Variants in CDK11B observed in about 807,000 individuals in gnomAD.
CDK11B encodes the protein cyclin-dependent kinase 11B.
Under a neutral mutation model 84.0 loss-of-function variants are expected in CDK11B, and 37 were observed. The ratio of observed to expected loss-of-function variants is 0.44; its 90% CI spans 0.34 to 0.58. The LOEUF (loss-of-function observed/expected upper bound fraction) is 0.58, where lower values mean the gene tolerates loss of function less well. Among genes scored for constraint, CDK11B ranks in the 20% least tolerant of loss-of-function variants. The pLI is 0.02. For synonymous variants in CDK11B, 269 were observed against 309.8 expected, an observed-to-expected ratio of 0.87 and a Z score of 1.38; for missense variants, 427 against 834.0, an observed-to-expected ratio of 0.51 and a Z score of 6.01.
At chr1:1,653,697 A>G (rs919297631) in intron 3 of CDK11B, among the ~76,000 whole-genome samples, 5 of 150,822 alleles carry the variant, frequency 3.3e-5, no homozygotes, top group Non-Finnish European at 7.4e-5. Flanking sequence ...AGATCCTACA[A>G]TTTTGGCTGG....
In CDK11B at chr1:1,637,912, A is replaced by G. The variant is rs1435511681; in HGVS notation, c.1343-29T>C. ...TGAAGAAAATACAGACGGCACTGAG[A>G]GGCATTCTCAAAGTCACGGTACCAA... On this transcript the variant is annotated intron_variant, in intron 12 of 19. Transcript: ENST00000341832. 5 of 1,612,744 alleles carry G rather than the reference A, an allele frequency of 3.1e-6. No homozygotes were observed. In the East Asian group the frequency reaches 6.7e-5, roughly 22 times the overall value.
Position 1,645,162 on chromosome 1 carries a change from C to G in CDK11B, c.595G>C (p.Glu199Gln), listed in dbSNP as rs762070251. The change falls in exon 6 of 20, where the codon GAG (glutamate) becomes CAG (glutamine). Residue 199 changes from glutamate to glutamine, a missense_variant. Around this residue, in one of 12 missense-constraint regions of CDK11B, gnomAD observed 2 missense variants for 134.0 expected, o/e 0.01. Transcript: ENST00000341832. ...REQKERERRA[E>Q]ERRKEREARR... is the part of the protein sequence containing the mutation. ...GCCTCCCGCTCCTTGCGCCGCTCCTCTGCCCGCCGCTCGCGCTCCTTCTGC... is the reference window on the plus strand; with the variant it reads ...GCCTCCCGCTCCTTGCGCCGCTCCTGTGCCCGCCGCTCGCGCTCCTTCTGC... 8.0e-6 allele frequency: 4 copies of G among 499,838 alleles called. No individual in the cohort carries two copies. The South Asian group carries it at 9.3e-5, about 12-fold the overall frequency. The allele number at this position is 499,838 out of a possible 1,614,324, so 31.0% of individuals were successfully genotyped here.
intron 6 of CDK11B, among the ~76,000 whole-genome samples, chr1:1,643,422 T>C (rs1338173044): frequency 1.3e-5 from 2 of 151,496 alleles, no homozygotes; most frequent in East Asian, 3.9e-4. Context: ...TGTCCATTTT[T>C]TTGACTAAGA....
chr1:1,636,400 G>A lies in CDK11B; in HGVS notation c.1999C>T (p.Pro667Ser), dbSNP rs1639291619. ...AAGCGCTTGCGGAGGTTGTTGTAGG[G>A]GTGCTCGCTGAAGGTCATCTTCTTG... ...AVKKMTFSEHPYNNLRKRFGA... is the reference protein window; with the variant it reads ...AVKKMTFSEHSYNNLRKRFGA... Residue 667 changes from proline to serine, a missense_variant, in exon 18 of 20, where the codon CCC becomes TCC. Physicochemically the swap from Pro to Ser is moderately conservative, Grantham distance 74. Around this residue, in one of 12 missense-constraint regions of CDK11B, gnomAD observed 170 missense variants for 196.0 expected, o/e 0.87. Coordinates refer to ENST00000341832, the MANE Select transcript of CDK11B (RefSeq NM_033486.3). 1.2e-6 allele frequency: 2 copies of A among 1,610,900 alleles called. No homozygotes were observed. The highest frequency in any genetic ancestry group is 2.2e-5 in the East Asian group (1 of 44,792).
chr1:1,637,040 G>C (rs761339025), intron 15 of CDK11B, 36 bp from the exon 16 acceptor site: 3 of 1,613,224 alleles, frequency 1.9e-6, no homozygotes, highest in Non-Finnish European at 8.5e-7. Context: ...AGTGGGCCCC[G>C]GCAGGTCTCC....
At chr1:1,640,534 T>A (rs1640122619) in intron 10 of CDK11B, 82 bp from the exon 11 acceptor site, 1 of 1,586,698 alleles carries the variant, frequency 6.3e-7, no homozygotes, top group African/African-American at 1.3e-5. Flanking sequence ...ATCAAGCGCG[T>A]GGCAGGGCTG....
chr1:1,646,964 T>C (rs1641226724), intron 5 of CDK11B: 1 of 519,884 alleles, frequency 1.9e-6, no homozygotes, highest in South Asian at 1.4e-5. Context: ...GACTATGATG[T>C]GACTTTGCAT....
Position 1,658,918 on chromosome 1 carries a change from A to G in CDK11B, c.-18T>C, listed in dbSNP as rs1643171430. 5.2e-6 allele frequency: 1 copy of G among 192,192 alleles called. No homozygotes were observed. The highest frequency in any genetic ancestry group is 7.1e-5 in the South Asian group (1 of 14,044). 11.9% of individuals were successfully genotyped at this position (192,192 alleles called of 1,614,324 possible). On this transcript the variant is annotated 5_prime_UTR_variant, in exon 1 of 20. Transcript: ENST00000341832. ...GTCCGCCCAGTCGGAACTCACCCCTACGCCGCCGCCGCTGCCGCCGCCGCC... is the reference window on the plus strand; with the variant it reads ...GTCCGCCCAGTCGGAACTCACCCCTGCGCCGCCGCCGCTGCCGCCGCCGCC...
chr1:1,635,806 C>A lies in CDK11B; in HGVS notation c.2307G>T (p.Gln769His), dbSNP rs1639193786. 6 of 348,474 alleles carry A rather than the reference C, an allele frequency of 1.7e-5. 1 individual carries two copies. 21.6% of individuals were successfully genotyped at this position (348,474 alleles called of 1,614,324 possible). A position where few individuals can be genotyped will look rare whatever the true frequency, so the allele number is the denominator to read the frequency against. ...AGCCGGGGCCCGCGGCAGAGGCCCCCTGGTTCGTGGTGGTAAGGTGGAAGC... is the reference window on the plus strand; with the variant it reads ...AGCCGGGGCCCGCGGCAGAGGCCCCATGGTTCGTGGTGGTAAGGTGGAAGC... ...ETGFHLTTTNQGASAAGPGFS... is the reference protein window; with the variant it reads ...ETGFHLTTTNHGASAAGPGFS... The change falls in exon 20 of 20, where the codon CAG becomes CAT. Residue 769 changes from glutamine to histidine, a missense_variant. By Grantham distance (24) the Gln-to-His change is conservative. Around this residue, in one of 12 missense-constraint regions of CDK11B, gnomAD observed 170 missense variants for 196.0 expected, o/e 0.87. Coordinates refer to ENST00000341832, the MANE Select transcript of CDK11B (RefSeq NM_033486.3).
At chr1:1,650,197 G>A (rs1641773160) in intron 4 of CDK11B, among the ~76,000 whole-genome samples, 1 of 141,354 alleles carries the variant, frequency 7.1e-6, no homozygotes, top group Non-Finnish European at 1.5e-5. Context: ...GTGAACCCAG[G>A]AGATGGAATT....
intron 5 of CDK11B, among the ~76,000 whole-genome samples, chr1:1,648,207 C>T (rs1421157558): frequency 6.6e-6 from 1 of 152,250 alleles, no homozygotes; most frequent in Non-Finnish European, 1.5e-5. Context: ...TGCTCATTCA[C>T]TCTCCTGTCT....
intron 2 of CDK11B, among the ~76,000 whole-genome samples, chr1:1,656,542 C>A (rs1642773650): frequency 6.6e-6 from 1 of 152,124 alleles, no homozygotes; most frequent in Admixed American, 6.6e-5. Flanking sequence ...GTAATCCCAG[C>A]ACTTTGGGAG....
At chr1:1,649,425 T>C in intron 5 of CDK11B, 74 bp downstream of exon 5, 1 of 1,189,548 alleles carries the variant, frequency 8.4e-7, no homozygotes, top group Non-Finnish European at 1.2e-6. Context: ...ATTGCCAAAT[T>C]CTTCTTCATT....
rs201485525 is a variant in CDK11B at position 1,637,217 on chromosome 1, A to G, written c.1571-15T>C. 2,581 of 1,574,818 alleles carry G rather than the reference A, an allele frequency of 1.6e-3. 11 individuals carry two copies. Among genetic ancestry groups the G allele is most frequent in the Middle Eastern group, 7.4e-3 (39 of 5,248 alleles). ...CTTCACCTCCCCTGGGAGGGAGGGA[A>G]GCTCCCATGTGGACCTGGCTGCCCC... On this transcript the variant is annotated splice_polypyrimidine_tract_variant and intron_variant, in intron 14 of 19. Transcript: ENST00000341832.
chr1:1,648,040 T>C (rs1641396464), intron 5 of CDK11B, among the ~76,000 whole-genome samples: 1 of 152,294 alleles, frequency 6.6e-6, no homozygotes, highest in African/African-American at 2.4e-5. Context: ...TCCTTATCAG[T>C]TTCCTTTTTG....
chr1:1,654,186 C>T (rs774957315), intron 3 of CDK11B: 6 of 461,156 alleles, frequency 1.3e-5, no homozygotes, highest in Middle Eastern at 3.2e-4. Context: ...TACCTGATGA[C>T]GTATACGAGC....
At chr1:1,647,602 C>T (rs529606751) in intron 5 of CDK11B, among the ~76,000 whole-genome samples, 40 of 152,366 alleles carry the variant, frequency 2.6e-4, no homozygotes, top group Admixed American at 5.9e-4. Context: ...AACGTTCACG[C>T]GTCATTCGCA....
At chr1:1,643,580 A>C (rs1640578618) in intron 6 of CDK11B, among the ~76,000 whole-genome samples, 1 of 147,734 alleles carries the variant, frequency 6.8e-6, no homozygotes, top group Non-Finnish European at 1.5e-5. Context: ...TCCTCAGAGA[A>C]CGAAAGGAAG....
Position 1,636,933 on chromosome 1 carries a change from C to A in CDK11B, c.1764G>T (p.Leu588=), listed in dbSNP as rs1474206095. Residue 588 remains leucine, a synonymous_variant, in exon 16 of 20, where the codon CTG becomes CTT. Coordinates refer to ENST00000341832, the MANE Select transcript of CDK11B (RefSeq NM_033486.3). The part of the protein sequence containing the change: ...LKAYTPVVVT[L]WYRAPELLLG... The stretch of plus-strand genomic sequence containing the variant: ...GCAGCAGCTCTGGGGCGCGGTACCA[C>A]AGGGTCACCACGACCGGGGTGTAGG... The A allele has an allele frequency of 1.2e-6, 2 of 1,607,240 alleles. No homozygotes were observed. Among genetic ancestry groups the A allele is most frequent in the African/African-American group, 2.7e-5 (2 of 74,794 alleles).
Sources: allele counts gnomAD v4.1 joint callset (sites outside exome capture counted in the v4.1 genomes callset), GRCh38; gene constraint gnomAD v4.1.1; regional missense constraint gnomAD v4.1.1; transcripts MANE v1.5; gene names NCBI Gene and HGNC (gene_info 2026-07-23, HGNC 2026-07-21).